ECE1: variants seen among roughly 807,000 people sequenced by gnomAD.
ECE1 encodes the protein endothelin-converting enzyme 1.
A neutral mutation model predicts 98.6 loss-of-function variants in ECE1; 35 were observed. The ratio of observed to expected loss-of-function variants is 0.35; its 90% CI spans 0.27 to 0.47. The LOEUF is 0.47. Ranked by LOEUF, ECE1 falls within the 20% of genes least tolerant of loss-of-function variation. The probability of loss-of-function intolerance (pLI) is 1.00; values close to 1 mark genes in which losing one functional copy is unlikely to be tolerated. For synonymous variants in ECE1, 394 were observed against 407.1 expected (o/e 0.97, Z 0.39); for missense variants, 814 against 1,025.3 (o/e 0.79, Z 2.81).
At chr1:21,292,140 A>G (rs1339301562), upstream of ECE1, among the ~76,000 whole-genome samples, 1 of 151,892 alleles carries the variant, frequency 6.6e-6, no homozygotes, top group Non-Finnish European at 1.5e-5. Context: ...TGGACGACAC[A>G]ACAAGATCTT....
At chr1:21,249,818 C>T (rs55938796) in intron 8 of ECE1, among the ~76,000 whole-genome samples, 5 of 152,178 alleles carry the variant, frequency 3.3e-5, no homozygotes, top group Admixed American at 6.6e-5. Context: ...CTGTTGCCCA[C>T]GCTGGAGTGC....
intron 1 of ECE1, among the ~76,000 whole-genome samples, chr1:21,302,388 C>T (rs1473417780): frequency 6.6e-6 from 1 of 152,232 alleles, no homozygotes; most frequent in Non-Finnish European, 1.5e-5. Flanking sequence ...GTCTACCTGT[C>T]TGAGCCTCGA....
intron 1 of ECE1, among the ~76,000 whole-genome samples, chr1:21,316,019 G>A (rs1638824641): frequency 6.6e-6 from 1 of 152,184 alleles, no homozygotes; most frequent in Non-Finnish European, 1.5e-5. Context: ...CACAGTGACT[G>A]AGTGCGGCTG....
chr1:21,290,469 G>T (rs1298354424), upstream of ECE1: 2 of 1,225,622 alleles, frequency 1.6e-6, no homozygotes, highest in Non-Finnish European at 2.0e-6. This position sits in a 1 kb window ranked among gnomAD's most constrained non-coding sequence, Gnocchi z 7.3. Context: ...GGGATGGGCC[G>T]GGCCAGGCGT....
At chr1:21,300,422 A>T (rs959045062) in intron 1 of ECE1, among the ~76,000 whole-genome samples, 3 of 152,066 alleles carry the variant, frequency 2.0e-5, no homozygotes, top group Non-Finnish European at 2.9e-5. Flanking sequence ...TTTGCAACGG[A>T]AAGACTGCCC....
At chr1:21,320,545 T>C (rs750132138) in intron 1 of ECE1, among the ~76,000 whole-genome samples, 3 of 152,254 alleles carry the variant, frequency 2.0e-5, no homozygotes, top group African/African-American at 4.8e-5. Flanking sequence ...ACTTTCCATG[T>C]ATTATCAACG....
chr1:21,267,504 C>A (rs2098235416), intron 4 of ECE1, among the ~76,000 whole-genome samples: 1 of 152,158 alleles, frequency 6.6e-6, no homozygotes, highest in Non-Finnish European at 1.5e-5. Context: ...ATCACAAGAA[C>A]AGCACGGGAA....
At position 21,319,378 on chromosome 1, in the gene ECE1, A is replaced by T. The variant is rs1168980015; in HGVS notation, c.3+25998T>A. On this transcript the variant is annotated intron_variant, in intron 1 of 18. Transcript: ENST00000415912. This position sits in a 1 kb window ranked among gnomAD's most constrained non-coding sequence, Gnocchi z 4.4. The stretch of plus-strand genomic sequence containing the variant: ...AATAATCATAATCATAATCATAATC[A>T]TAATCATAAAGTGGACTACGCAGGG... Among the ~76,000 whole-genome samples, 4 of 152,052 alleles carry T rather than the reference A, an allele frequency of 2.6e-5. No homozygotes were observed. The highest frequency in any genetic ancestry group is 4.2e-4 in the South Asian group (2 of 4,818).
At chr1:21,309,472 G>A (rs915972591) in intron 1 of ECE1, among the ~76,000 whole-genome samples, 6 of 152,216 alleles carry the variant, frequency 3.9e-5, no homozygotes, top group African/African-American at 1.2e-4. Flanking sequence ...TGCAGTGAGC[G>A]CTGGCTTGGT....
intron 2 of ECE1, among the ~76,000 whole-genome samples, chr1:21,280,860 C>T (rs2098253620): frequency 6.6e-6 from 1 of 152,002 alleles, no homozygotes; most frequent in African/African-American, 2.4e-5. Flanking sequence ...GGAACACAAG[C>T]ACTTTCTGTG....
intron 4 of ECE1, among the ~76,000 whole-genome samples, chr1:21,269,160 CAGTAG>C (rs995673993): frequency 3.9e-5 from 6 of 152,236 alleles, no homozygotes; most frequent in African/African-American, 1.4e-4. Context: ...CTGAATCTGA[CAGTAG>C]AGTGAGTAGA....
chr1:21,287,630 A>T (rs952044217), intron 2 of ECE1, among the ~76,000 whole-genome samples: 1 of 152,268 alleles, frequency 6.6e-6, no homozygotes, highest in African/African-American at 2.4e-5. Flanking sequence ...GGTCACCCAC[A>T]GAGTGACAGC....
intron 10 of ECE1, among the ~76,000 whole-genome samples, chr1:21,242,643 C>A (rs1420417933): frequency 6.6e-6 from 1 of 152,208 alleles, no homozygotes; most frequent in South Asian, 2.1e-4. Context: ...CTCAGACCCT[C>A]CCACTTCAGG....
chr1:21,236,238 G>A (rs1254372928), intron 12 of ECE1, among the ~76,000 whole-genome samples: 2 of 152,360 alleles, frequency 1.3e-5, no homozygotes, highest in East Asian at 1.9e-4. Context: ...TACACTCAGC[G>A]AGGTTTGTCT....
chr1:21,264,566 C>G (rs886068884), intron 4 of ECE1, among the ~76,000 whole-genome samples: 1 of 152,176 alleles, frequency 6.6e-6, no homozygotes, highest in East Asian at 1.9e-4. Flanking sequence ...CTGCCTGTCT[C>G]GGCCTCCCAA....
At position 21,279,223 on chromosome 1, in the gene ECE1, C is replaced by G; in HGVS notation, c.248G>C (p.Cys83Ser). ...VVLLAAGLVA[C>S]LAALGIQYQT... ...GTACTGGATGCCCAGTGCTGCCAAG[C>G]AGGCCACCAGTCCTGCCGCCAGAAG... Residue 83 changes from cysteine to serine, a missense_variant, in exon 3 of 19, where the codon TGC (cysteine) becomes TCC (serine). Physicochemically the swap from Cys to Ser is moderately radical, Grantham distance 112. Transcript: ENST00000374893. The G allele has an allele frequency of 1.9e-6, 3 of 1,614,206 alleles. No homozygotes were observed. The highest frequency in any genetic ancestry group is 2.5e-6 in the Non-Finnish European group (3 of 1,180,032).
At chr1:21,256,448 C>G (rs904451498) in intron 7 of ECE1, among the ~76,000 whole-genome samples, 2 of 152,132 alleles carry the variant, frequency 1.3e-5, no homozygotes, top group Non-Finnish European at 2.9e-5. Context: ...CCCAGCTACT[C>G]AGGAGGCTGA....
intron 8 of ECE1, among the ~76,000 whole-genome samples, chr1:21,255,609 T>C (rs2098218868): frequency 6.6e-6 from 1 of 152,206 alleles, no homozygotes; most frequent in Non-Finnish European, 1.5e-5. Flanking sequence ...CCAAGTTCGA[T>C]GTGCTTGGTG....
intron 10 of ECE1, among the ~76,000 whole-genome samples, chr1:21,238,998 ATTTT>A (rs71569823): frequency 7.0e-6 from 1 of 143,166 alleles, no homozygotes; most frequent in Non-Finnish European, 1.5e-5. Context: ...CTATTTAAAA[ATTTT>A]TTTTTTTTTT....
Sources: allele counts gnomAD v4.1 joint callset (sites outside exome capture counted in the v4.1 genomes callset), GRCh38; gene constraint gnomAD v4.1.1; non-coding constraint Gnocchi (gnomAD v3.1); transcripts MANE v1.5; gene names NCBI Gene and HGNC (gene_info 2026-07-23, HGNC 2026-07-21).